The following NRXN3 variants were observed in gnomAD, a reference collection of about 807,000 sequenced individuals.
The protein encoded by NRXN3 is neurexin III.
Under a neutral mutation model 137.6 loss-of-function variants are expected in NRXN3, and 32 were observed. The observed-to-expected ratio is 0.23, with a 90% CI of 0.18 to 0.31. NRXN3 has a LOEUF of 0.31. Among genes scored for constraint, NRXN3 ranks in the 10% least tolerant of loss-of-function variants. NRXN3 has a pLI of 1.00. For synonymous variants in NRXN3, 798 were observed against 784.5 expected (o/e 1.02, Z -0.29); for missense variants, 1,574 against 2,062.5 (o/e 0.76, Z 4.59).
chr14:78,350,753 C>T (rs904660463), intron 4 of NRXN3, among the ~76,000 whole-genome samples: 1 of 152,090 alleles, frequency 6.6e-6, no homozygotes, highest in African/African-American at 2.4e-5. Flanking sequence ...GGATGAAAGT[C>T]TGAGCTCAGG....
chr14:79,385,804 C>T (rs545675217), intron 15 of NRXN3, among the ~76,000 whole-genome samples: 5 of 152,222 alleles, frequency 3.3e-5, no homozygotes, highest in African/African-American at 9.6e-5. Context: ...GTTAAACATA[C>T]GCGAATCAAT....
intron 15 of NRXN3, among the ~76,000 whole-genome samples, chr14:79,459,976 A>G (rs2096308423): frequency 6.6e-6 from 1 of 152,060 alleles, no homozygotes; most frequent in African/African-American, 2.4e-5. Context: ...CTGAAATTTG[A>G]TGAGTAAAAA....
At chr14:78,438,108 A>G (rs976793123) in intron 4 of NRXN3, among the ~76,000 whole-genome samples, 1 of 152,130 alleles carries the variant, frequency 6.6e-6, no homozygotes, top group African/African-American at 2.4e-5. Context: ...TAAAATTGAC[A>G]GGATATGGTA....
At chr14:78,314,885 CTTTCTTTCT>C (rs1374707271) in intron 4 of NRXN3, among the ~76,000 whole-genome samples, 14 of 63,798 alleles carry the variant, frequency 2.2e-4, no homozygotes, top group South Asian at 1.1e-3. Context: ...TCCGTTCTTT[CTTTCTTTCT>C]CTTTCTTTCT....
intron 19 of NRXN3, among the ~76,000 whole-genome samples, chr14:79,753,276 T>C (rs1010404484): frequency 6.6e-6 from 1 of 151,822 alleles, no homozygotes; most frequent in African/African-American, 2.4e-5. Flanking sequence ...CACACGTATG[T>C]TTATTGCGGC....
intron 4 of NRXN3, among the ~76,000 whole-genome samples, chr14:78,548,587 T>A (rs1430375284): frequency 6.6e-6 from 1 of 152,212 alleles, no homozygotes; most frequent in East Asian, 1.9e-4. Flanking sequence ...CTTTGCCTGC[T>A]TCTTCTAGAA....
At chr14:78,585,901 T>A (rs750637519) in intron 4 of NRXN3, among the ~76,000 whole-genome samples, 1 of 152,178 alleles carries the variant, frequency 6.6e-6, no homozygotes, top group Non-Finnish European at 1.5e-5. Context: ...AGGCTAGAAT[T>A]ATGGATTTGA....
At chr14:79,776,588 A>G (rs901729450) in intron 19 of NRXN3, among the ~76,000 whole-genome samples, 1 of 152,126 alleles carries the variant, frequency 6.6e-6, no homozygotes, top group Non-Finnish European at 1.5e-5. Context: ...GTATTGCCCT[A>G]TAGTTAATGC....
At chr14:78,242,232 A>T (rs1268139918) in intron 1 of NRXN3, among the ~76,000 whole-genome samples, 159 bp from the exon 2 acceptor site, 1 of 152,202 alleles carries the variant, frequency 6.6e-6, no homozygotes, top group Admixed American at 6.5e-5. Context: ...GGAAGAACCC[A>T]CGGCCTCCCT....
At chr14:79,351,595 G>C (rs1029286023) in intron 15 of NRXN3, among the ~76,000 whole-genome samples, 1 of 152,136 alleles carries the variant, frequency 6.6e-6, no homozygotes, top group African/African-American at 2.4e-5. Flanking sequence ...AGGCTATTAA[G>C]AGCACCTACC....
intron 4 of NRXN3, among the ~76,000 whole-genome samples, chr14:78,367,968 A>G (rs2086228006): frequency 6.6e-6 from 1 of 152,244 alleles, no homozygotes; most frequent in African/African-American, 2.4e-5. Context: ...ATGCCTTTAA[A>G]AGGCCTGGTA....
intron 4 of NRXN3, among the ~76,000 whole-genome samples, chr14:78,342,636 C>T (rs1235191715): frequency 6.6e-6 from 1 of 152,132 alleles, no homozygotes; most frequent in Non-Finnish European, 1.5e-5. Context: ...GTTGACTTGT[C>T]CAGTCACATA....
intron 4 of NRXN3, among the ~76,000 whole-genome samples, chr14:78,571,501 A>C (rs1234451102): frequency 6.6e-6 from 1 of 152,146 alleles, no homozygotes; most frequent in Non-Finnish European, 1.5e-5. Context: ...ACAAGATTAG[A>C]GGTTTTTGAA....
rs143939459 is a variant in NRXN3, at chr14:79,821,843, T to C, written c.4093+16653T>C. ...CTGAAGGTCATGGACCTAGTCTTTA[T>C]TGGAGTTGTAATTCAATCCCAGGTG... On this transcript the variant is annotated intron_variant, in intron 20 of 20. Transcript: ENST00000335750. 2.1e-4 allele frequency among the ~76,000 whole-genome samples: 32 copies of C among 152,264 alleles called. 1 individual carries two copies. In the East Asian group the frequency reaches 6.2e-3, roughly 29 times the overall value.
chr14:78,799,489 T>C (rs1321114497), intron 8 of NRXN3, among the ~76,000 whole-genome samples: 1 of 152,200 alleles, frequency 6.6e-6, no homozygotes, highest in Non-Finnish European at 1.5e-5. Context: ...AACTTTCCCA[T>C]GTTTTTCTGT....
At chr14:79,787,663 C>A (rs2099133334) in intron 19 of NRXN3, among the ~76,000 whole-genome samples, 1 of 152,062 alleles carries the variant, frequency 6.6e-6, no homozygotes, top group Admixed American at 6.6e-5. Flanking sequence ...TCTCTCTGTG[C>A]CTGGCTTATT....
intron 15 of NRXN3, among the ~76,000 whole-genome samples, chr14:79,206,451 C>A (rs1051780533): frequency 1.3e-5 from 2 of 152,098 alleles, no homozygotes; most frequent in Non-Finnish European, 2.9e-5. Context: ...TGACAAGGGT[C>A]CATCATCTCT....
chr14:79,778,948 C>T (rs2099105865), intron 19 of NRXN3, among the ~76,000 whole-genome samples: 1 of 152,142 alleles, frequency 6.6e-6, no homozygotes, highest in African/African-American at 2.4e-5. Context: ...CCACTCATTA[C>T]CTTTGGGTAA....
At chr14:78,343,270 C>G (rs1383844273) in intron 4 of NRXN3, among the ~76,000 whole-genome samples, 1 of 152,176 alleles carries the variant, frequency 6.6e-6, no homozygotes, top group Non-Finnish European at 1.5e-5. Context: ...TTCCTCTTCT[C>G]TAATATGGAA....
Sources: allele counts gnomAD v4.1 joint callset (sites outside exome capture counted in the v4.1 genomes callset), GRCh38; gene constraint gnomAD v4.1.1; transcripts MANE v1.5; gene names NCBI Gene and HGNC (gene_info 2026-07-23, HGNC 2026-07-21).